The following FAM222B variants were observed in gnomAD, a reference collection of about 807,000 sequenced individuals.
FAM222B encodes the protein protein FAM222B.
In FAM222B, 12 loss-of-function variants were observed where a neutral mutation model predicts 38.0. The observed-to-expected ratio is 0.32, with a 90% CI of 0.20 to 0.51. The LOEUF (loss-of-function observed/expected upper bound fraction) is 0.51. Among genes scored for constraint, FAM222B ranks in the 20% least tolerant of loss-of-function variants. The probability of loss-of-function intolerance (pLI) is 0.97; values close to 1 mark genes in which losing one functional copy is unlikely to be tolerated. For synonymous variants in FAM222B, 329 were observed against 317.2 expected (o/e 1.04, Z -0.40); for missense variants, 716 against 754.2 (o/e 0.95, Z 0.59).
chr17:28,804,956 G>A (rs2037410797), intron 1 of FAM222B, among the ~76,000 whole-genome samples: 1 of 151,924 alleles, frequency 6.6e-6, no homozygotes, highest in African/African-American at 2.4e-5. Context: ...TGAGGCGGGG[G>A]AATGGCGTGA....
intron 1 of FAM222B, among the ~76,000 whole-genome samples, chr17:28,771,695 G>C (rs950761820): frequency 1.3e-5 from 2 of 151,960 alleles, no homozygotes; most frequent in East Asian, 1.9e-4. Context: ...TGAAAAACAT[G>C]AACAGCCGCT....
rs757350258 is a variant in FAM222B at position 28,758,342 on chromosome 17, T to A, written c.1617A>T (p.Arg539=). 1.2e-6 allele frequency: 2 copies of A among 1,612,500 alleles called. No individual in the cohort carries two copies. Among genetic ancestry groups the A allele is most frequent in the African/African-American group, 2.7e-5 (2 of 74,828 alleles). ...GATCGGGGGCTCGGTTGCCAGGGGC[T>A]CGGTGGGCCTTGCTCAGCATGGCCA... ...QSLAMLSKAH[R]APGNRAPDPT... The change falls in exon 3 of 3, where the codon CGA becomes CGT. Residue 539 remains arginine (R), a synonymous_variant. Coordinates refer to ENST00000581407, the MANE Select transcript of FAM222B (RefSeq NM_001077498.3).
At chr17:28,820,457 T>G (rs1278463157) in intron 1 of FAM222B, among the ~76,000 whole-genome samples, 1 of 152,204 alleles carries the variant, frequency 6.6e-6, no homozygotes, top group African/African-American at 2.4e-5. Flanking sequence ...GTGTTACCTA[T>G]AGCAAGTTAA....
rs2151756475 is a variant in FAM222B, at chr17:28,759,335, C to T, written c.624G>A (p.Leu208=). The stretch of plus-strand genomic sequence containing the variant: ...GGTGAGCCAGGGCCTGAGGGTGGAC[C>T]AAGCCCTGGGTTTGGGCCATGGGCT... ...HPQPMAQTQG[L]VHPQALAHQG... is the part of the protein sequence containing the mutation. Residue 208 remains leucine, a synonymous_variant, in exon 3 of 3, where the codon TTG becomes TTA. Transcript: ENST00000581407. This position sits in a 1 kb window ranked among gnomAD's most constrained non-coding sequence, Gnocchi z 4.8. 2.5e-6 allele frequency: 4 copies of T among 1,610,420 alleles called. No homozygotes were observed. The highest frequency in any genetic ancestry group is 4.5e-5 in the East Asian group (2 of 44,802).
At chr17:28,792,800 AAAG>A (rs1239357651) in intron 1 of FAM222B, among the ~76,000 whole-genome samples, 1 of 150,640 alleles carries the variant, frequency 6.6e-6, no homozygotes, top group Admixed American at 6.6e-5. Flanking sequence ...AAAAAAAAAG[AAAG>A]AAGAAACAAA....
chr17:28,783,531 T>C (rs924193691), intron 1 of FAM222B, among the ~76,000 whole-genome samples: 1 of 147,894 alleles, frequency 6.8e-6, no homozygotes, highest in Non-Finnish European at 1.5e-5. Flanking sequence ...TTTTTTTTTT[T>C]AAACAAAGTC....
rs765492295 is a variant in FAM222B at position 28,759,204 on chromosome 17, G to A, written c.755C>T (p.Ser252Leu). The A allele has an allele frequency of 2.5e-6, 4 of 1,613,704 alleles. No homozygotes were observed. In the Admixed American group the frequency reaches 6.7e-5, roughly 27 times the overall value. Residue 252 changes from serine to leucine, a missense_variant, in exon 3 of 3, where the codon TCA becomes TTA. By Grantham distance (145) the Ser-to-Leu change is moderately radical. Transcript: ENST00000581407. The surrounding 1 kb of genome is among the most constrained non-coding windows in gnomAD (Gnocchi z 4.8). ...VTVSTSTIPLSMAATLQHSQP... is the reference protein window; with the variant it reads ...VTVSTSTIPLLMAATLQHSQP... ...GCTGTGCTGCAGAGTGGCCGCCATT[G>A]AAAGGGGGATAGTTGAGGTAGACAC...
chr17:28,790,982 T>G (rs1037654314), intron 1 of FAM222B, among the ~76,000 whole-genome samples: 3 of 136,052 alleles, frequency 2.2e-5, no homozygotes, highest in Non-Finnish European at 4.6e-5. Flanking sequence ...CACTGCAAGC[T>G]CCGCCTCCCA....
chr17:28,821,865 G>A (rs1366124972), intron 1 of FAM222B, among the ~76,000 whole-genome samples: 1 of 151,994 alleles, frequency 6.6e-6, no homozygotes, highest in East Asian at 1.9e-4. Flanking sequence ...AGGAGGCTGA[G>A]GCAGGAGAAT....
At chr17:28,833,009 T>TAAAA (rs779596504) in intron 1 of FAM222B, among the ~76,000 whole-genome samples, 3 of 90,780 alleles carry the variant, frequency 3.3e-5, no homozygotes, top group African/African-American at 8.7e-5. Flanking sequence ...CTGTCTCTAT[T>TAAAA]AAAAAAAAAA....
intron 1 of FAM222B, among the ~76,000 whole-genome samples, chr17:28,783,154 A>C (rs2036236681): frequency 6.6e-6 from 1 of 151,986 alleles, no homozygotes. Context: ...AAAAAAAAAA[A>C]CAAACTCATT....
intron 1 of FAM222B, among the ~76,000 whole-genome samples, chr17:28,826,678 T>A (rs982735841): frequency 8.8e-6 from 1 of 113,984 alleles, no homozygotes. Flanking sequence ...CAGAACTCCG[T>A]CTCAAAAAAA....
At chr17:28,808,496 T>C (rs917420749) in intron 1 of FAM222B, among the ~76,000 whole-genome samples, 10 of 152,278 alleles carry the variant, frequency 6.6e-5, no homozygotes, top group African/African-American at 1.9e-4. Context: ...GAGAGAAAAT[T>C]TGCCTAAGCA....
intron 1 of FAM222B, among the ~76,000 whole-genome samples, chr17:28,828,552 G>A (rs2038527946): frequency 6.8e-6 from 1 of 147,018 alleles, no homozygotes; most frequent in South Asian, 2.2e-4. Context: ...CTGAGCTACA[G>A]AGAAGACTCT....
At chr17:28,769,598 A>G (rs2035524875) in intron 1 of FAM222B, among the ~76,000 whole-genome samples, 1 of 152,216 alleles carries the variant, frequency 6.6e-6, no homozygotes, top group African/African-American at 2.4e-5. Flanking sequence ...CGCCCGGCCA[A>G]TTCTGTTAAC....
intron 1 of FAM222B, among the ~76,000 whole-genome samples, chr17:28,840,795 TA>T (rs1186409173): frequency 6.6e-6 from 1 of 150,446 alleles, no homozygotes; most frequent in Non-Finnish European, 1.5e-5. Flanking sequence ...CCGAGTGTAC[TA>T]AAAAAAATAC....
At chr17:28,812,671 G>C (rs566664779) in intron 1 of FAM222B, among the ~76,000 whole-genome samples, 6 of 151,478 alleles carry the variant, frequency 4.0e-5, no homozygotes. Context: ...CATCTCTCCC[G>C]GCCCCTACCC....
rs139359141 is a variant in FAM222B at position 28,800,053 on chromosome 17, C to T, written c.-40-33346G>A. On this transcript the variant is annotated intron_variant, in intron 1 of 2. Transcript: ENST00000581407. ...TACTTTCTTTTTTTTTTTTTTGAGA[C>T]GGAGTTTCACTCTTGTTGCCCATGC... 2.4e-3 allele frequency among the ~76,000 whole-genome samples: 361 copies of T among 148,564 alleles called. 1 individual carries two copies. Among genetic ancestry groups the T allele is most frequent in the African/African-American group, 8.6e-3 (347 of 40,334 alleles).
At chr17:28,801,471 GAAAAGA>G (rs1431139949) in intron 1 of FAM222B, among the ~76,000 whole-genome samples, 1 of 137,000 alleles carries the variant, frequency 7.3e-6, no homozygotes, top group Non-Finnish European at 1.6e-5. Flanking sequence ...AAAAAAAAAA[GAAAAGA>G]AAAAGTTCTG....
Sources: allele counts gnomAD v4.1 joint callset (sites outside exome capture counted in the v4.1 genomes callset), GRCh38; gene constraint gnomAD v4.1.1; non-coding constraint Gnocchi (gnomAD v3.1); transcripts MANE v1.5; gene names NCBI Gene and HGNC (gene_info 2026-07-23, HGNC 2026-07-21).